TALDO1: variants seen among roughly 807,000 people sequenced by gnomAD.
TALDO1 encodes transaldolase 1.
TALDO1 carries 29 observed loss-of-function variants against 38.1 expected under a neutral mutation model. That is an observed-to-expected ratio of 0.76 (90% confidence interval 0.57 to 1.04). The LOEUF (loss-of-function observed/expected upper bound fraction) is 1.04, where lower values mean the gene tolerates loss of function less well. Among genes scored for constraint, TALDO1 ranks in the 50% least tolerant of loss-of-function variants. TALDO1 has a pLI of 0.00. For missense variants in TALDO1, 499 were observed against 438.1 expected, an observed-to-expected ratio of 1.14 and a Z score of -1.24; for synonymous variants, 207 against 176.8, an observed-to-expected ratio of 1.17 and a Z score of -1.36.
intron 2 of TALDO1, among the ~76,000 whole-genome samples, chr11:757,001 G>A (rs570172302): frequency 5.9e-5 from 9 of 152,188 alleles, no homozygotes; most frequent in East Asian, 5.8e-4. Flanking sequence ...AGATGGTGCC[G>A]AGCAGGCAAC....
chr11:747,666 G>T, intron 1 of TALDO1, 88 bp downstream of exon 1: 2 of 1,211,858 alleles, frequency 1.7e-6, no homozygotes, highest in South Asian at 1.4e-5. Context: ...GTTCCGGGAC[G>T]CGGACCGGGT....
chr11:762,518 G>A (rs922664098), intron 4 of TALDO1, among the ~76,000 whole-genome samples: 1 of 152,252 alleles, frequency 6.6e-6, no homozygotes, highest in African/African-American at 2.4e-5. Context: ...GTGGGCATAT[G>A]CCTAGGAGTG....
chr11:763,475 T>C lies in TALDO1; in HGVS notation c.593T>C (p.Val198Ala), dbSNP rs1393108763. Residue 198 changes from valine to alanine, a missense_variant, in exon 5 of 8, where the codon GTG becomes GCG. Transcript: ENST00000319006. ...GTTGGGCGCATCCTTGATTGGCATGTGGCAAACACCGACAAGAAATCCTAT... is the reference window on the plus strand; with the variant it reads ...GTTGGGCGCATCCTTGATTGGCATGCGGCAAACACCGACAAGAAATCCTAT... ...PFVGRILDWH[V>A]ANTDKKSYEP... 1.2e-6 allele frequency: 2 copies of C among 1,613,434 alleles called. No homozygotes were observed. Among genetic ancestry groups the C allele is most frequent in the Admixed American group, 3.3e-5 (2 of 59,928 alleles).
chr11:748,040 C>T (rs892204946), intron 1 of TALDO1, among the ~76,000 whole-genome samples: 4 of 152,262 alleles, frequency 2.6e-5, no homozygotes, highest in African/African-American at 9.6e-5. Context: ...GCGGGAGCCC[C>T]TCTGTGCACC....
In TALDO1 at chr11:753,423, C is replaced by T. The variant is rs1484916840; in HGVS notation, c.98-2456C>T. ...GCGGGCGCCTGTAGTCCCAGCTACTCGGGAGGCTGAGGCAGGAGAATGGCG... is the reference window on the plus strand; with the variant it reads ...GCGGGCGCCTGTAGTCCCAGCTACTTGGGAGGCTGAGGCAGGAGAATGGCG... On this transcript the variant is annotated intron_variant, in intron 1 of 7. Coordinates refer to ENST00000319006, the MANE Select transcript of TALDO1 (RefSeq NM_006755.2). 4.6e-5 allele frequency among the ~76,000 whole-genome samples: 7 copies of T among 151,820 alleles called. No homozygotes were observed. In the East Asian group the frequency reaches 7.8e-4, roughly 17 times the overall value.
chr11:752,093 C>T (rs1265021224), intron 1 of TALDO1, among the ~76,000 whole-genome samples: 10 of 151,524 alleles, frequency 6.6e-5, no homozygotes, highest in South Asian at 2.1e-4. Flanking sequence ...TTTTTGGAGG[C>T]GGAGTCTCGC....
intron 1 of TALDO1, among the ~76,000 whole-genome samples, chr11:748,724 C>T (rs1215843843): frequency 6.6e-6 from 1 of 152,218 alleles, no homozygotes; most frequent in African/African-American, 2.4e-5. Flanking sequence ...GATTCAGTGA[C>T]TGGCTTGGGG....
chr11:753,682 C>G (rs530154276), intron 1 of TALDO1, among the ~76,000 whole-genome samples: 1 of 151,886 alleles, frequency 6.6e-6, no homozygotes, highest in African/African-American at 2.4e-5. Context: ...TGAGCTTGCG[C>G]CACTGCACTC....
intron 1 of TALDO1, among the ~76,000 whole-genome samples, chr11:748,891 C>A (rs1273008181): frequency 2.0e-5 from 3 of 152,118 alleles, no homozygotes; most frequent in Admixed American, 6.6e-5. Context: ...CAGTTTTTTC[C>A]CTTCTTAGCA....
chr11:758,708 C>T (rs1015649861), intron 2 of TALDO1, among the ~76,000 whole-genome samples: 54 of 151,820 alleles, frequency 3.6e-4, no homozygotes, highest in African/African-American at 1.3e-3. Context: ...AGGTTCACGT[C>T]ATTCTCCTGC....
At chr11:754,873 C>T (rs1351897918) in intron 1 of TALDO1, among the ~76,000 whole-genome samples, 1 of 152,150 alleles carries the variant, frequency 6.6e-6, no homozygotes, top group African/African-American at 2.4e-5. Flanking sequence ...TGGGCTCAAG[C>T]GATCCTCCTG....
chr11:757,536 T>TG (rs747146422), intron 2 of TALDO1, among the ~76,000 whole-genome samples: 12 of 152,122 alleles, frequency 7.9e-5, no homozygotes, highest in Non-Finnish European at 1.8e-4. Flanking sequence ...TTGAGCAGTC[T>TG]GCCCACCTTG....
At chr11:747,673 G>C (rs1862684801) in intron 1 of TALDO1, 95 bp downstream of exon 1, 1 of 1,121,706 alleles carries the variant, frequency 8.9e-7, no homozygotes, top group Admixed American at 2.5e-5. Flanking sequence ...GACGCGGACC[G>C]GGTGGCGGTG....
At chr11:762,733 T>C (rs1862960110) in intron 4 of TALDO1, among the ~76,000 whole-genome samples, 1 of 152,252 alleles carries the variant, frequency 6.6e-6, no homozygotes, top group Non-Finnish European at 1.5e-5. Context: ...GCTCCGTCCT[T>C]GGGGATCAAC....
At chr11:764,758 T>C in intron 7 of TALDO1, 55 bp from the exon 8 acceptor site, 1 of 1,613,330 alleles carries the variant, frequency 6.2e-7, no homozygotes, top group Non-Finnish European at 8.5e-7. Context: ...TTGTGAGGCT[T>C]CAAGGTGCAG....
rs1378923285 is a variant in TALDO1 at position 755,851 on chromosome 11, C to A, written c.98-28C>A. 4.3e-6 allele frequency: 7 copies of A among 1,613,984 alleles called. No homozygotes were observed. In the South Asian group the frequency reaches 7.7e-5, roughly 18 times the overall value. ...CAGTTGGAAGCAAGTACTCCACTTA[C>A]TTTGGCTTTTGAAAACTATTTCCCT... On this transcript the variant is annotated intron_variant, in intron 1 of 7. Coordinates refer to ENST00000319006, the MANE Select transcript of TALDO1 (RefSeq NM_006755.2).
rs1009439034 is a variant in TALDO1 at position 753,978 on chromosome 11, GA to G, written c.98-1894del. ...GAACTGTTTAGTTGGTTACTCTGAA[GA>G]AAAAAACTTTTTTATTTTTTTTTGC... is the stretch of plus-strand genomic sequence containing the variant. On this transcript the variant is annotated intron_variant, in intron 1 of 7. Coordinates refer to ENST00000319006, the MANE Select transcript of TALDO1 (RefSeq NM_006755.2). 6.6e-5 allele frequency among the ~76,000 whole-genome samples: 10 copies of G among 151,322 alleles called. No individual in the cohort carries two copies. In the South Asian group the frequency reaches 8.4e-4, roughly 13 times the overall value.
At chr11:757,997 G>C (rs1352802527) in intron 2 of TALDO1, among the ~76,000 whole-genome samples, 1 of 152,086 alleles carries the variant, frequency 6.6e-6, no homozygotes, top group Non-Finnish European at 1.5e-5. Context: ...AATTAGCTGG[G>C]CATGGGCCAG....
chr11:764,022 C>G, intron 6 of TALDO1, 78 bp downstream of exon 6: 3 of 1,528,246 alleles, frequency 2.0e-6, no homozygotes, highest in Non-Finnish European at 2.7e-6. Context: ...TGTGGGTGAT[C>G]CCTCCCACCT....
Sources: gnomAD v4.1 joint callset for allele counts (sites outside exome capture counted in the v4.1 genomes callset) on GRCh38, gnomAD v4.1.1 for gene constraint, MANE v1.5 for transcripts, NCBI Gene and HGNC (gene_info 2026-07-23, HGNC 2026-07-21) for gene names.